GFRAL: variants seen among roughly 807,000 people sequenced by gnomAD.
GFRAL encodes the protein GDNF family receptor alpha-like.
A neutral mutation model predicts 45.4 loss-of-function variants in GFRAL; 36 were observed. The observed-to-expected ratio is 0.79, with a 90% CI of 0.61 to 1.05. GFRAL has a LOEUF of 1.05. Ranked by LOEUF, GFRAL falls within the 50% of genes least tolerant of loss-of-function variation. GFRAL has a pLI of 0.00. For missense variants in GFRAL, 507 were observed against 467.5 expected (o/e 1.08, Z -0.78); for synonymous variants, 166 against 154.1 (o/e 1.08, Z -0.57).
intron 5 of GFRAL, among the ~76,000 whole-genome samples, chr6:55,356,961 C>G (rs1768202854): frequency 6.6e-6 from 1 of 151,820 alleles, no homozygotes; most frequent in African/African-American, 2.4e-5. Context: ...ACTGGACAAT[C>G]AGGAGCATAT....
intron 6 of GFRAL, among the ~76,000 whole-genome samples, chr6:55,396,393 A>C (rs1004996172): frequency 6.6e-6 from 1 of 152,152 alleles, no homozygotes; most frequent in Non-Finnish European, 1.5e-5. Flanking sequence ...TTTCTTTCAA[A>C]ATAATACTTT....
chr6:55,396,511 A>G (rs1398971421), intron 6 of GFRAL, among the ~76,000 whole-genome samples: 2 of 152,294 alleles, frequency 1.3e-5, no homozygotes, highest in East Asian at 3.9e-4. Context: ...ATAATCATCT[A>G]ATGTATATTG....
At chr6:55,395,781 G>GAA (rs34724941) in intron 6 of GFRAL, among the ~76,000 whole-genome samples, 11,457 of 137,298 alleles carry the variant, frequency 0.083, 551 homozygotes, top group South Asian at 0.15. Context: ...AAGGATTTTG[G>GAA]AAAAAAAAAA....
intron 6 of GFRAL, among the ~76,000 whole-genome samples, chr6:55,394,620 G>A (rs1768797446): frequency 6.6e-6 from 1 of 152,140 alleles, no homozygotes; most frequent in African/African-American, 2.4e-5. Context: ...GAAGGTAGTT[G>A]TCATATTGAC....
intron 6 of GFRAL, among the ~76,000 whole-genome samples, chr6:55,365,829 G>T (rs1581914326): frequency 6.7e-6 from 1 of 149,936 alleles, no homozygotes; most frequent in African/African-American, 2.5e-5. Flanking sequence ...ATGTGCTGCT[G>T]GATTCATTTT....
intron 6 of GFRAL, among the ~76,000 whole-genome samples, chr6:55,372,810 A>G (rs1315317090): frequency 6.6e-6 from 1 of 152,048 alleles, no homozygotes; most frequent in Non-Finnish European, 1.5e-5. Context: ...GCAACAATTT[A>G]CCCTTCCTCT....
At chr6:55,341,627 C>A (rs1767966784) in intron 3 of GFRAL, among the ~76,000 whole-genome samples, 1 of 152,160 alleles carries the variant, frequency 6.6e-6, no homozygotes, top group Non-Finnish European at 1.5e-5. Context: ...TCTCCCCCTC[C>A]AAAGGAATGC....
At chr6:55,363,817 T>A (rs12213541) in intron 6 of GFRAL, among the ~76,000 whole-genome samples, 78,574 of 150,100 alleles carry the variant, frequency 0.52, 20,609 homozygotes, top group South Asian at 0.62. Context: ...TGTGCCACAT[T>A]TTCTTAATCC....
At chr6:55,328,861 C>T (rs1323414553) in intron 1 of GFRAL, among the ~76,000 whole-genome samples, 1 of 151,788 alleles carries the variant, frequency 6.6e-6, no homozygotes, top group Non-Finnish European at 1.5e-5. Flanking sequence ...CCAACATTTC[C>T]CATATTATAT....
intron 8 of GFRAL, among the ~76,000 whole-genome samples, chr6:55,400,778 A>T (rs1768886082): frequency 6.6e-6 from 1 of 152,202 alleles, no homozygotes; most frequent in Non-Finnish European, 1.5e-5. Context: ...GGAATTTATT[A>T]AAGTTTACTT....
At chr6:55,397,524 CAAAAAAAAAAAA>C (rs70986715) in intron 6 of GFRAL, among the ~76,000 whole-genome samples, 4 of 67,416 alleles carry the variant, frequency 5.9e-5, no homozygotes, top group African/African-American at 1.1e-4. Flanking sequence ...GACTCCGTCT[CAAAAAAAAAAAA>C]AAAAAAAAAA....
intron 6 of GFRAL, among the ~76,000 whole-genome samples, chr6:55,369,214 G>T (rs551526606): frequency 3.3e-5 from 5 of 152,080 alleles, no homozygotes; most frequent in East Asian, 1.9e-4. Context: ...TCCAGGTGCC[G>T]TCCGTCACCC....
rs142288691 is a variant in GFRAL at position 55,353,455 on chromosome 6, A to G, written c.701+1872A>G. On this transcript the variant is annotated intron_variant, in intron 5 of 8. Coordinates refer to ENST00000340465, the MANE Select transcript of GFRAL (RefSeq NM_207410.2). ...GTGGTAAAGAGCTAAGCAGAGTCCT[A>G]GAGCATTGACATATTTCGTCAACTT... is the stretch of plus-strand genomic sequence containing the variant. Among the ~76,000 whole-genome samples, 36 of 152,194 alleles carry G rather than the reference A, an allele frequency of 2.4e-4. 1 individual carries two copies. In the East Asian group the frequency reaches 7.0e-3, roughly 29 times the overall value.
intron 6 of GFRAL, among the ~76,000 whole-genome samples, chr6:55,362,993 C>A (rs1013750471): frequency 1.4e-5 from 2 of 147,200 alleles, no homozygotes; most frequent in African/African-American, 5.0e-5. Flanking sequence ...GAAGAGGAAA[C>A]AGGAAGGAGG....
intron 1 of GFRAL, 35 bp from the exon 2 acceptor site, chr6:55,331,680 A>T (rs1403508365): frequency 2.5e-6 from 4 of 1,577,152 alleles, no homozygotes; most frequent in Non-Finnish European, 3.4e-6. Context: ...TGCCAAATTT[A>T]TATTACAACC....
chr6:55,395,175 A>ATATATATATATATATATATATAT (rs1554136792), intron 6 of GFRAL, among the ~76,000 whole-genome samples: 3 of 123,510 alleles, frequency 2.4e-5, no homozygotes, highest in African/African-American at 1.0e-4. Flanking sequence ...AAAAAAAAAA[A>ATATATATATATATATATATATAT]ATATATATAT....
At position 55,359,279 on chromosome 6, in the gene GFRAL, T is replaced by C; in HGVS notation, c.952+141T>C. 15 of 651,380 alleles carry C rather than the reference T, an allele frequency of 2.3e-5. No homozygotes were observed. In the South Asian group the frequency reaches 2.7e-4, roughly 12 times the overall value. The allele number at this position is 651,380 out of a possible 1,614,324, so 40.4% of individuals were successfully genotyped here. A position where few individuals can be genotyped will look rare whatever the true frequency, so the allele number is the denominator to read the frequency against. On this transcript the variant is annotated intron_variant, in intron 6 of 8. Transcript: ENST00000340465. ...GTGTTTGGTATTGCATTTGAAAATTTGCTTTCTGATTATGTTCTGTGTATT... is the reference window on the plus strand; with the variant it reads ...GTGTTTGGTATTGCATTTGAAAATTCGCTTTCTGATTATGTTCTGTGTATT...
chr6:55,350,211 C>A, intron 4 of GFRAL, 66 bp downstream of exon 4: 2 of 969,278 alleles, frequency 2.1e-6, no homozygotes, highest in Non-Finnish European at 3.3e-6. Flanking sequence ...ATGCAGTTAC[C>A]AGGCTTCTTA....
chr6:55,338,896 G>T (rs537177837), intron 3 of GFRAL, among the ~76,000 whole-genome samples: 40 of 152,066 alleles, frequency 2.6e-4, no homozygotes, highest in Non-Finnish European at 4.7e-4. Flanking sequence ...GCTATGAGGA[G>T]CTATTACATA....
Sources: gnomAD v4.1 joint callset for allele counts (sites outside exome capture counted in the v4.1 genomes callset) on GRCh38, gnomAD v4.1.1 for gene constraint, MANE v1.5 for transcripts, NCBI Gene and HGNC (gene_info 2026-07-23, HGNC 2026-07-21) for gene names.